Variants in ENOX2 observed in about 807,000 individuals in gnomAD.
The protein encoded by ENOX2 is ecto-NOX disulfide-thiol exchanger 2.
In ENOX2, 36 loss-of-function variants were observed where a neutral mutation model predicts 45.0. That is an observed-to-expected ratio of 0.80 (90% CI 0.61 to 1.06). ENOX2 has a LOEUF of 1.06. ENOX2 is among the 50% of genes least tolerant of loss of function. The pLI is 0.00. For synonymous variants in ENOX2, 174 were observed against 152.3 expected (o/e 1.14, Z -1.05); for missense variants, 423 against 462.5 (o/e 0.91, Z 0.78).
chrX:130,763,948 T>C (rs190151561), intron 3 of ENOX2, among the ~76,000 whole-genome samples: 206 of 111,274 alleles, frequency 1.9e-3, no homozygotes, highest in African/African-American at 6.5e-3. Context: ...CTAGGCTTCC[T>C]AGTCCTTTGG....
chrX:130,670,248 G>A (rs771680787), intron 6 of ENOX2, 50 bp from the exon 7 acceptor site: 16 of 848,277 alleles, frequency 1.9e-5, no homozygotes, highest in South Asian at 1.1e-4. Flanking sequence ...GAGAAGGAGA[G>A]AAGTAGAGGG....
In ENOX2 at chrX:130,703,211, T is replaced by C; in HGVS notation, c.6A>G (p.Thr2=). ...ATGCAGTTGGATCAGACATAGGTAG[T>C]GTCATTGCAGTGGAATCCACGTTCA... is the stretch of plus-strand genomic sequence containing the variant. The part of the protein sequence containing the change: M[T]LPMSDPTAWA... Residue 2 remains threonine, a synonymous_variant, in exon 4 of 15, where the codon ACA becomes ACG. Coordinates refer to ENST00000394363, the MANE Select transcript of ENOX2 (RefSeq NM_006375.4). 3 of 1,202,976 alleles carry C rather than the reference T, an allele frequency of 2.5e-6. No individual in the cohort carries two copies. Among genetic ancestry groups the C allele is most frequent in the African/African-American group, 1.7e-5 (1 of 57,661 alleles).
intron 2 of ENOX2, among the ~76,000 whole-genome samples, chrX:130,841,745 C>A (rs188947532): frequency 1.8e-5 from 2 of 112,053 alleles, no homozygotes; most frequent in East Asian, 5.6e-4. Flanking sequence ...CAAAGCAGGG[C>A]CTTCTATGGG....
chrX:130,826,752 G>A lies in ENOX2; in HGVS notation c.-182-43062C>T, dbSNP rs759348814. On this transcript the variant is annotated intron_variant, in intron 2 of 14. Transcript: ENST00000394363. ...AAGAAAATCCTAGAAAGTCTGGGAA[G>A]GAAATGACTTCAACTAATTTTAGAA... Among the ~76,000 whole-genome samples, 100 of 112,049 alleles carry A rather than the reference G, an allele frequency of 8.9e-4. 1 individual carries two copies. The highest frequency in any genetic ancestry group is 1.8e-3 in the Non-Finnish European group (96 of 53,091).
At chrX:130,861,153 T>G (rs2078401436) in intron 2 of ENOX2, among the ~76,000 whole-genome samples, 1 of 111,597 alleles carries the variant, frequency 9.0e-6, no homozygotes, top group South Asian at 3.8e-4. Flanking sequence ...AAAATGCAAC[T>G]CTTGTACACT....
chrX:130,687,598 A>G (rs2037480930), intron 5 of ENOX2, among the ~76,000 whole-genome samples: 1 of 112,401 alleles, frequency 8.9e-6, no homozygotes, highest in Non-Finnish European at 1.9e-5. Context: ...CTGGCAAGTA[A>G]GGCCTGCAAG....
intron 5 of ENOX2, among the ~76,000 whole-genome samples, chrX:130,680,029 T>C (rs1033688695): frequency 1.8e-5 from 2 of 112,290 alleles, no homozygotes; most frequent in African/African-American, 6.5e-5. Context: ...TTACTTTTGT[T>C]GTGACAATCC....
chrX:130,645,763 G>A (rs1377370188), intron 10 of ENOX2: 4 of 822,006 alleles, frequency 4.9e-6, no homozygotes, highest in Non-Finnish European at 7.1e-6. Flanking sequence ...CGGCTTCTGC[G>A]GAAGAGGTGG....
intron 6 of ENOX2, among the ~76,000 whole-genome samples, chrX:130,678,692 G>A (rs1000708050): frequency 3.8e-4 from 42 of 109,971 alleles, no homozygotes; most frequent in African/African-American, 1.4e-3. Context: ...TATCTTCCTC[G>A]GAGCACTTAG....
chrX:130,640,119 T>C (rs1302973637), intron 10 of ENOX2, among the ~76,000 whole-genome samples: 5 of 111,960 alleles, frequency 4.5e-5, no homozygotes, highest in Non-Finnish European at 9.4e-5. Flanking sequence ...TTTTTATAAG[T>C]GTACTAATCC....
intron 4 of ENOX2, among the ~76,000 whole-genome samples, chrX:130,700,359 A>G (rs1265938968): frequency 8.9e-6 from 1 of 112,494 alleles, no homozygotes; most frequent in African/African-American, 3.2e-5. Context: ...TAAAGAGTCA[A>G]TTAACTTTCC....
At chrX:130,844,737 G>A (rs2078070055) in intron 2 of ENOX2, among the ~76,000 whole-genome samples, 1 of 112,096 alleles carries the variant, frequency 8.9e-6, no homozygotes, top group Admixed American at 9.4e-5. Context: ...AGGAAATACA[G>A]CCTGAACTTC....
chrX:130,694,388 C>T (rs2037695061), intron 4 of ENOX2, among the ~76,000 whole-genome samples: 1 of 111,201 alleles, frequency 9.0e-6, no homozygotes, highest in South Asian at 3.8e-4. Flanking sequence ...GATGCCACTA[C>T]ACTGTTGCTA....
At chrX:130,882,995 T>C (rs1010442869) in intron 2 of ENOX2, among the ~76,000 whole-genome samples, 2 of 112,762 alleles carry the variant, frequency 1.8e-5, no homozygotes, top group Non-Finnish European at 3.7e-5. Flanking sequence ...GAAATACTAC[T>C]GTCTACCTTA....
chrX:130,853,463 CAAAAAAAAAAA>C (rs754949787), intron 2 of ENOX2, among the ~76,000 whole-genome samples: 1 of 27,995 alleles, frequency 3.6e-5, no homozygotes, highest in Non-Finnish European at 6.9e-5. Flanking sequence ...GACTCCGTCT[CAAAAAAAAAAA>C]AAAAAAAAAA....
At chrX:130,779,893 A>G (rs1408278456) in intron 3 of ENOX2, among the ~76,000 whole-genome samples, 1 of 111,504 alleles carries the variant, frequency 9.0e-6, no homozygotes. Context: ...GTGTCAAGTG[A>G]TTGATATGAA....
intron 4 of ENOX2, among the ~76,000 whole-genome samples, chrX:130,693,686 T>G (rs750173196): frequency 8.9e-6 from 1 of 112,411 alleles, no homozygotes; most frequent in South Asian, 3.7e-4. Flanking sequence ...ATATGGTGGA[T>G]TAAAGTTGGA....
chrX:130,732,949 GA>G (rs2038772837), intron 3 of ENOX2, among the ~76,000 whole-genome samples: 1 of 111,839 alleles, frequency 8.9e-6, no homozygotes, highest in African/African-American at 3.2e-5. Context: ...AAAGCTTCTT[GA>G]CATTCGACTA....
chrX:130,663,520 G>C (rs1208037644), intron 9 of ENOX2, among the ~76,000 whole-genome samples: 1 of 88,825 alleles, frequency 1.1e-5, no homozygotes, highest in African/African-American at 4.4e-5. Flanking sequence ...GACAGAGCAA[G>C]ACTCCGTCTC....
Sources: gnomAD v4.1 joint callset for allele counts (sites outside exome capture counted in the v4.1 genomes callset) on GRCh38, gnomAD v4.1.1 for gene constraint, MANE v1.5 for transcripts, NCBI Gene and HGNC (gene_info 2026-07-23, HGNC 2026-07-21) for gene names.